The following ERCC3 variants were observed in gnomAD, a reference collection of about 807,000 sequenced individuals.
ERCC3 encodes general transcription and DNA repair factor IIH helicase/translocase subunit XPB.
ERCC3 carries 66 observed loss-of-function variants against 94.2 expected under a neutral mutation model. The ratio of observed to expected loss-of-function variants is 0.70; its 90% confidence interval spans 0.57 to 0.86. The LOEUF is 0.86. ERCC3 is among the 40% of genes least tolerant of loss of function. ERCC3 has a pLI of 0.00. For missense variants in ERCC3, 829 were observed against 987.1 expected, an observed-to-expected ratio of 0.84 and a Z score of 2.15; for synonymous variants, 349 against 369.1, an observed-to-expected ratio of 0.95 and a Z score of 0.63.
At chr2:127,281,550 G>T (rs1684911188) in intron 8 of ERCC3, among the ~76,000 whole-genome samples, 1 of 152,134 alleles carries the variant, frequency 6.6e-6, no homozygotes, top group Non-Finnish European at 1.5e-5. Context: ...AGGTTAAAAT[G>T]TTTGAGTCAT....
intron 11 of ERCC3, 55 bp downstream of exon 11, chr2:127,272,810 C>T (rs1558953041): frequency 2.8e-6 from 3 of 1,057,012 alleles, no homozygotes; most frequent in Non-Finnish European, 4.5e-6. Context: ...ATAGTGTACC[C>T]CCCAGGTCCC....
chr2:127,259,237 C>A lies in ERCC3; in HGVS notation c.2217+59G>T. 1 of 1,600,454 alleles carries A rather than the reference C, an allele frequency of 6.2e-7. No homozygotes were observed. Among genetic ancestry groups the A allele is most frequent in the South Asian group, 1.1e-5 (1 of 90,626 alleles). On this transcript the variant is annotated intron_variant, in intron 14 of 14. Coordinates refer to ENST00000285398, the MANE Select transcript of ERCC3 (RefSeq NM_000122.2). The surrounding 1 kb of genome is among the most constrained non-coding windows in gnomAD (Gnocchi z 4.9). ...CAGGACTACATGTCTGTGTCTGTGT[C>A]TACAAACGCTGCCCTGTGAGAGCAC...
At position 127,289,930 on chromosome 2, in the gene ERCC3, C is replaced by T. The variant is rs2104777018; in HGVS notation, c.522-106G>A. ...CTGGAAATACAAGCCTCATGACTCT[C>T]CCCACAACCCTTCGCCAAATCTGTA... On this transcript the variant is annotated intron_variant, in intron 4 of 14. Transcript: ENST00000285398. 4.4e-5 allele frequency: 58 copies of T among 1,328,052 alleles called. 2 individuals carry two copies. The South Asian group carries it at 6.9e-4, about 16-fold the overall frequency. 82.3% of individuals were successfully genotyped at this position (1,328,052 alleles called of 1,614,324 possible).
At position 127,279,435 on chromosome 2, in the gene ERCC3, CT is replaced by C. The variant is rs1305610424; in HGVS notation, c.1528-61del. 16 of 1,287,890 alleles carry C rather than the reference CT, an allele frequency of 1.2e-5. No individual in the cohort carries two copies. Among genetic ancestry groups the C allele is most frequent in the Non-Finnish European group, 1.8e-5 (16 of 883,062 alleles). 79.8% of individuals were successfully genotyped at this position (1,287,890 alleles called of 1,614,324 possible). ...AGTTTAAACACCACACAATTTAAAA[CT>C]TTTGAAGACCTTTCTCTAGCAGAAT... On this transcript the variant is annotated intron_variant, in intron 9 of 14. Transcript: ENST00000285398. The surrounding 1 kb of genome is among the most constrained non-coding windows in gnomAD (Gnocchi z 4.7).
chr2:127,272,429 G>C (rs904497474), intron 11 of ERCC3, among the ~76,000 whole-genome samples: 2 of 152,084 alleles, frequency 1.3e-5, no homozygotes, highest in Non-Finnish European at 2.9e-5. Context: ...TCCCTGAGCT[G>C]GGCCTGCGGA....
At chr2:127,288,950 A>C in intron 6 of ERCC3, 86 bp from the exon 7 acceptor site, 1 of 1,116,982 alleles carries the variant, frequency 9.0e-7, no homozygotes, top group Non-Finnish European at 1.4e-6. Flanking sequence ...ATGGTCAAAA[A>C]AGTGGCATTC....
In ERCC3 at chr2:127,286,963, C is replaced by A. The variant is rs775716891; in HGVS notation, c.1082G>T (p.Cys361Phe). 6.2e-7 allele frequency: 1 copy of A among 1,613,964 alleles called. No homozygotes were observed. The highest frequency in any genetic ancestry group is 1.3e-5 in the African/African-American group (1 of 74,936). ...AACAGCTGAGTTGCCCAGCACCAGA[C>A]AGCGTTTTCTGACAGTGCATGCAGC... ...VTAACTVRKR[C>F]LVLGNSAVSV... The change falls in exon 8 of 15, where the codon TGT (cysteine) becomes TTT (phenylalanine). Residue 361 changes from cysteine (C) to phenylalanine (F), a missense_variant. Physicochemically the swap from Cys to Phe is radical, Grantham distance 205. Coordinates refer to ENST00000285398, the MANE Select transcript of ERCC3 (RefSeq NM_000122.2).
At chr2:127,289,006 G>A (rs913164126) in intron 6 of ERCC3, 142 bp from the exon 7 acceptor site, 31 of 812,578 alleles carry the variant, frequency 3.8e-5, no homozygotes, top group African/African-American at 2.5e-4. Flanking sequence ...GTCAACAACC[G>A]GGATAAAGCA....
intron 10 of ERCC3, among the ~76,000 whole-genome samples, chr2:127,276,663 G>C (rs1488468330): frequency 6.6e-6 from 1 of 152,114 alleles, no homozygotes; most frequent in African/African-American, 2.4e-5. Flanking sequence ...ATTCCAAGAA[G>C]GGACTACATA....
rs1025640554 is a variant in ERCC3 at position 127,274,484 on chromosome 2, G to A, written c.1731-1523C>T. Among the ~76,000 whole-genome samples, 9 of 152,300 alleles carry A rather than the reference G, an allele frequency of 5.9e-5. No individual in the cohort carries two copies. Among genetic ancestry groups the A allele is most frequent in the Admixed American group, 2.0e-4 (3 of 15,298 alleles). On this transcript the variant is annotated intron_variant, in intron 10 of 14. Transcript: ENST00000285398. This position sits in a 1 kb window ranked among gnomAD's most constrained non-coding sequence, Gnocchi z 4.0. ...AGTGGCTGCTCCACTGCCGAGGCCC[G>A]TTAGCACCCAGAGCAGTGCCCATTA...
In ERCC3 at chr2:127,271,507, T is replaced by C. The variant is rs1212359257; in HGVS notation, c.1828-54A>G. ...ATATGAGGAAAAAAAAAAAGTCAAC[T>C]GATCCAGAATTTAAATAAGTTCTGT... On this transcript the variant is annotated intron_variant, in intron 11 of 14. Transcript: ENST00000285398. The surrounding 1 kb of genome is among the most constrained non-coding windows in gnomAD (Gnocchi z 5.0). 1.7e-6 allele frequency: 2 copies of C among 1,154,804 alleles called. No individual in the cohort carries two copies. The highest frequency in any genetic ancestry group is 1.3e-6 in the Non-Finnish European group (1 of 763,034). The allele number at this position is 1,154,804 out of a possible 1,614,324, so 71.5% of individuals were successfully genotyped here. A position where few individuals can be genotyped will look rare whatever the true frequency, so the allele number is the denominator to read the frequency against.
In ERCC3 at chr2:127,280,733, C is replaced by G; in HGVS notation, c.1343-102G>C. The G allele has an allele frequency of 8.9e-7, 1 of 1,119,202 alleles. No homozygotes were observed. The allele number at this position is 1,119,202 out of a possible 1,614,324, so 69.3% of individuals were successfully genotyped here. On this transcript the variant is annotated intron_variant, in intron 8 of 14. Transcript: ENST00000285398. The surrounding 1 kb of genome is among the most constrained non-coding windows in gnomAD (Gnocchi z 6.3). Reference sequence around the variant, plus strand: ...GTAGAGATGGGGTCTCATTATATTGCCCAGGCTGGTCTTGAACTCCTGGCC... The same window carrying G: ...GTAGAGATGGGGTCTCATTATATTGGCCAGGCTGGTCTTGAACTCCTGGCC...
chr2:127,292,487 G>A (rs1223836669), intron 3 of ERCC3, 123 bp downstream of exon 3: 3 of 791,554 alleles, frequency 3.8e-6, no homozygotes, highest in Non-Finnish European at 2.3e-6. Context: ...CAGTCGTTAT[G>A]CTCCCCACAG....
intron 2 of ERCC3, 129 bp downstream of exon 2, chr2:127,293,384 G>T: frequency 1.1e-6 from 1 of 877,774 alleles, no homozygotes; most frequent in Non-Finnish European, 1.8e-6. Context: ...AACGTGTGTG[G>T]ATGAAAATTC....
rs1291041362 is a variant in ERCC3 at position 127,291,736 on chromosome 2, C to G, written c.471+874G>C. On this transcript the variant is annotated intron_variant, in intron 3 of 14. Coordinates refer to ENST00000285398, the MANE Select transcript of ERCC3 (RefSeq NM_000122.2). The surrounding 1 kb of genome is among the most constrained non-coding windows in gnomAD (Gnocchi z 4.9). ...AAAGGCAATGAAAGCCACTGTCCAT[C>G]TCTTTTAAATGGCATTCACCCATCT... is the stretch of plus-strand genomic sequence containing the variant. 6.6e-6 allele frequency among the ~76,000 whole-genome samples: 1 copy of G among 152,256 alleles called. No homozygotes were observed. The highest frequency in any genetic ancestry group is 1.5e-5 in the Non-Finnish European group (1 of 68,050).
chr2:127,293,757 C>A (rs762392334), intron 1 of ERCC3, 39 bp from the exon 2 acceptor site: 1 of 1,605,440 alleles, frequency 6.2e-7, no homozygotes, highest in South Asian at 1.1e-5. Flanking sequence ...CAGCAGGAGC[C>A]TTCAGGGTTC....
chr2:127,278,629 A>T (rs1684808085), intron 10 of ERCC3, among the ~76,000 whole-genome samples: 1 of 152,220 alleles, frequency 6.6e-6, no homozygotes, highest in Non-Finnish European at 1.5e-5. Flanking sequence ...CTGTAGGAGC[A>T]AGCGCAGACC....
intron 6 of ERCC3, 108 bp downstream of exon 6, chr2:127,289,229 C>T: frequency 2.0e-6 from 2 of 982,490 alleles, no homozygotes; most frequent in Non-Finnish European, 3.3e-6. Flanking sequence ...CAGGGACCAA[C>T]AGGGACTCCT....
Position 127,294,108 on chromosome 2 carries a change from G to C in ERCC3, c.-27C>G, listed in dbSNP as rs769964535. 6.9e-6 allele frequency: 11 copies of C among 1,604,934 alleles called. No homozygotes were observed. Among genetic ancestry groups the C allele is most frequent in the Middle Eastern group, 1.7e-4 (1 of 6,050 alleles). ...GCAGCTACAGCAGCAGAGAGAAGATGACCCCGCTCCCACAGGCCCGCCGCG... is the reference window on the plus strand; with the variant it reads ...GCAGCTACAGCAGCAGAGAGAAGATCACCCCGCTCCCACAGGCCCGCCGCG... On this transcript the variant is annotated 5_prime_UTR_variant, in exon 1 of 15. Transcript: ENST00000285398.
Sources: allele counts gnomAD v4.1 joint callset (sites outside exome capture counted in the v4.1 genomes callset), GRCh38; gene constraint gnomAD v4.1.1; non-coding constraint Gnocchi (gnomAD v3.1); transcripts MANE v1.5; gene names NCBI Gene and HGNC (gene_info 2026-07-23, HGNC 2026-07-21).